The following THSD4 variants were observed in gnomAD, a reference collection of about 807,000 sequenced individuals.
THSD4 encodes thrombospondin type 1 domain containing 4, also known as thrombospondin type-1 domain-containing protein 4.
In THSD4, 69 loss-of-function variants were observed where a neutral mutation model predicts 119.0. That is an observed-to-expected ratio of 0.58 (90% CI 0.48 to 0.71). The LOEUF is 0.71. THSD4 is among the 30% of genes least tolerant of loss of function. The pLI is 0.00. For synonymous variants in THSD4, 524 were observed against 540.4 expected (o/e 0.97, Z 0.42); for missense variants, 1,393 against 1,391.1 (o/e 1.00, Z -0.02).
intron 6 of THSD4, among the ~76,000 whole-genome samples, chr15:71,340,985 G>C (rs1276699237): frequency 2.0e-5 from 3 of 151,996 alleles, no homozygotes; most frequent in African/African-American, 7.3e-5. Flanking sequence ...ACAGTTCCTG[G>C]GGTAGATGTG....
At chr15:71,190,257 T>C (rs902680927) in intron 3 of THSD4, among the ~76,000 whole-genome samples, 1 of 152,220 alleles carries the variant, frequency 6.6e-6, no homozygotes, top group Non-Finnish European at 1.5e-5. Flanking sequence ...ACTTCCAAAA[T>C]CAGTCATTGA....
chr15:71,395,767 G>A (rs1020109355), intron 6 of THSD4, among the ~76,000 whole-genome samples: 2 of 152,098 alleles, frequency 1.3e-5, no homozygotes, highest in Admixed American at 1.3e-4. Flanking sequence ...AAGATGGTGC[G>A]AGCTGGGGTT....
chr15:71,160,412 G>A (rs554867700), intron 3 of THSD4, among the ~76,000 whole-genome samples: 10 of 146,384 alleles, frequency 6.8e-5, no homozygotes, highest in Admixed American at 4.0e-4. Flanking sequence ...TCTTTAAATT[G>A]TTTGTAGAAT....
intron 3 of THSD4, among the ~76,000 whole-genome samples, chr15:71,174,765 T>C (rs1833642091): frequency 6.6e-6 from 1 of 151,406 alleles, no homozygotes; most frequent in Non-Finnish European, 1.5e-5. Flanking sequence ...AGAGCAGGGG[T>C]TCTCCCAGCA....
At chr15:71,700,828 ATTAT>A (rs1171773312) in intron 8 of THSD4, among the ~76,000 whole-genome samples, 2 of 152,106 alleles carry the variant, frequency 1.3e-5, no homozygotes, top group Non-Finnish European at 2.9e-5. Flanking sequence ...TAGGATAATA[ATTAT>A]TATTAAAAAA....
At chr15:71,138,936 A>C (rs1331702052) in intron 1 of THSD4, among the ~76,000 whole-genome samples, 10 of 151,604 alleles carry the variant, frequency 6.6e-5, no homozygotes, top group African/African-American at 2.2e-4. Context: ...TAAATATTTA[A>C]TATAACAACC....
intron 7 of THSD4, among the ~76,000 whole-genome samples, chr15:71,657,827 G>A (rs1182556743): frequency 6.6e-6 from 1 of 152,120 alleles, no homozygotes; most frequent in Non-Finnish European, 1.5e-5. Context: ...ATCTGGTGGG[G>A]GTGTGTCCAT....
At chr15:71,560,169 T>C (rs936975761) in intron 7 of THSD4, among the ~76,000 whole-genome samples, 6 of 152,212 alleles carry the variant, frequency 3.9e-5, no homozygotes, top group African/African-American at 1.4e-4. Flanking sequence ...AATGCTGAAA[T>C]TTCAAGCAAG....
intron 6 of THSD4, among the ~76,000 whole-genome samples, chr15:71,332,975 T>A (rs1261607801): frequency 1.4e-5 from 2 of 143,256 alleles, no homozygotes; most frequent in African/African-American, 5.0e-5. Context: ...TATTCCAGTG[T>A]GGCCCAGGGA....
At chr15:71,533,017 T>C (rs936158736) in intron 7 of THSD4, among the ~76,000 whole-genome samples, 2 of 152,336 alleles carry the variant, frequency 1.3e-5, no homozygotes, top group Admixed American at 1.3e-4. Flanking sequence ...GCCATGTGTG[T>C]GCCTTCTGAA....
intron 7 of THSD4, among the ~76,000 whole-genome samples, chr15:71,532,816 A>G (rs1349301054): frequency 6.6e-6 from 1 of 152,232 alleles, no homozygotes; most frequent in Non-Finnish European, 1.5e-5. Context: ...TTAATTAAGT[A>G]AAAATAAGAT....
chr15:71,216,519 GGA>G (rs892640092), intron 4 of THSD4, among the ~76,000 whole-genome samples: 4 of 152,190 alleles, frequency 2.6e-5, no homozygotes, highest in Non-Finnish European at 4.4e-5. Flanking sequence ...GTAGGGGTTT[GGA>G]GAGAGAGAGG....
chr15:71,496,203 T>C (rs2048015566), intron 7 of THSD4, among the ~76,000 whole-genome samples: 1 of 152,258 alleles, frequency 6.6e-6, no homozygotes, highest in Non-Finnish European at 1.5e-5. Context: ...GTCACTTACC[T>C]GAACTACAGC....
At chr15:71,465,017 G>C (rs550419710) in intron 7 of THSD4, among the ~76,000 whole-genome samples, 148 of 152,190 alleles carry the variant, frequency 9.7e-4, no homozygotes, top group Non-Finnish European at 1.9e-3. Flanking sequence ...AATTTGTCTT[G>C]TGTATGACCT....
chr15:71,583,332 TTTTG>T (rs1286684212), intron 7 of THSD4, among the ~76,000 whole-genome samples: 5 of 152,150 alleles, frequency 3.3e-5, no homozygotes, highest in Non-Finnish European at 7.4e-5. Flanking sequence ...GGTTTGTCAA[TTTTG>T]TTTGTCTTTT....
intron 7 of THSD4, 30 bp from the exon 8 acceptor site, chr15:71,660,500 A>G (rs1049821459): frequency 5.6e-6 from 9 of 1,613,128 alleles, no homozygotes; most frequent in Non-Finnish European, 6.8e-6. Context: ...GATACATACT[A>G]TGAGTCTTTT....
chr15:71,120,056 A>T (rs2082525885), intron 1 of THSD4, among the ~76,000 whole-genome samples: 1 of 152,174 alleles, frequency 6.6e-6, no homozygotes, highest in Non-Finnish European at 1.5e-5. Context: ...AGCTCAATGT[A>T]TTGCTGTAAC....
rs529109855 is a variant in THSD4 at position 71,751,470 on chromosome 15, C to A, written c.2415+2876C>A. Among the ~76,000 whole-genome samples the A allele has an allele frequency of 5.4e-4, 82 of 151,980 alleles. 3 individuals are homozygous for A. In the South Asian group the frequency reaches 0.016, roughly 29 times the overall value. On this transcript the variant is annotated intron_variant, in intron 14 of 17. Coordinates refer to ENST00000261862, the MANE Select transcript of THSD4 (RefSeq NM_024817.3). ...TACTTTACCTACATAGCTTTTTTTC[C>A]TCATACGTATTTTAAAGATATAAAT...
chr15:71,154,962 C>T, intron 3 of THSD4, 30 bp downstream of exon 3: 1 of 1,611,680 alleles, frequency 6.2e-7, no homozygotes, highest in Non-Finnish European at 8.5e-7. Context: ...AGGTTTTCTT[C>T]TCTGCCCAAG....
Sources: gnomAD v4.1 joint callset for allele counts (sites outside exome capture counted in the v4.1 genomes callset) on GRCh38, gnomAD v4.1.1 for gene constraint, MANE v1.5 for transcripts, NCBI Gene and HGNC (gene_info 2026-07-23, HGNC 2026-07-21) for gene names.